DPP10: variants seen among roughly 807,000 people sequenced by gnomAD.
DPP10 encodes the protein inactive dipeptidyl peptidase 10.
A neutral mutation model predicts 120.9 loss-of-function variants in DPP10; 33 were observed. The ratio of observed to expected loss-of-function variants is 0.27; its 90% CI spans 0.21 to 0.37. DPP10 has a LOEUF of 0.37. Among genes scored for constraint, DPP10 ranks in the 10% least tolerant of loss-of-function variants. The probability of loss-of-function intolerance (pLI) is 1.00; values close to 1 mark genes in which losing one functional copy is unlikely to be tolerated. For synonymous variants in DPP10, 337 were observed against 326.1 expected, an observed-to-expected ratio of 1.03 and a Z score of -0.36; for missense variants, 816 against 942.8, an observed-to-expected ratio of 0.87 and a Z score of 1.76.
chr2:115,584,051 G>A (rs141347562), intron 5 of DPP10, among the ~76,000 whole-genome samples: 4 of 152,252 alleles, frequency 2.6e-5, no homozygotes, highest in East Asian at 1.9e-4. Context: ...AGCAAACAAC[G>A]CCCGCCATCC....
At chr2:114,525,063 G>A (rs150461533) in intron 1 of DPP10, among the ~76,000 whole-genome samples, 41 of 152,260 alleles carry the variant, frequency 2.7e-4, no homozygotes, top group African/African-American at 9.4e-4. Flanking sequence ...CAGTATATTA[G>A]CAATACCTTC....
chr2:114,786,389 A>G (rs545066125), intron 1 of DPP10, among the ~76,000 whole-genome samples: 118 of 152,238 alleles, frequency 7.8e-4, no homozygotes, highest in Non-Finnish European at 1.2e-3. Context: ...TGGATGGAGA[A>G]ACATTGCTCT....
chr2:114,588,867 T>G (rs1691216739), intron 1 of DPP10, among the ~76,000 whole-genome samples: 1 of 152,090 alleles, frequency 6.6e-6, no homozygotes, highest in African/African-American at 2.4e-5. Context: ...TTGTTGTATG[T>G]TACTGATTGG....
chr2:114,935,863 G>GT (rs34445525), intron 1 of DPP10, among the ~76,000 whole-genome samples: 37,491 of 145,926 alleles, frequency 0.26, 4,942 homozygotes, highest in Middle Eastern at 0.41. Context: ...AAAACTGAAG[G>GT]TTTTTTTTTT....
chr2:114,640,800 TG>T lies in DPP10; in HGVS notation c.60+197964del, dbSNP rs558419050. Reference sequence around the variant, plus strand: ...TTTTCCTCAGCTAAGCTTTCCTTCTTGGTATGTTACAGGGAAAGGGGAAGCA... The same window carrying T: ...TTTTCCTCAGCTAAGCTTTCCTTCTTGTATGTTACAGGGAAAGGGGAAGCA... On this transcript the variant is annotated intron_variant, in intron 1 of 25. Transcript: ENST00000410059. Among the ~76,000 whole-genome samples the T allele has an allele frequency of 3.8e-4, 57 of 151,978 alleles. No homozygotes were observed. The South Asian group carries it at 7.7e-3, about 20-fold the overall frequency.
chr2:114,993,805 G>A (rs777542551), intron 1 of DPP10, among the ~76,000 whole-genome samples: 3 of 151,782 alleles, frequency 2.0e-5, no homozygotes, highest in Admixed American at 6.6e-5. Context: ...GTGTGCACAC[G>A]AGTCTACATG....
At chr2:115,150,201 T>A (rs544618791) in intron 1 of DPP10, among the ~76,000 whole-genome samples, 18 of 152,316 alleles carry the variant, frequency 1.2e-4, no homozygotes, top group Non-Finnish European at 1.8e-4. Flanking sequence ...ACTGCTTCAG[T>A]ATCTCTGCCG....
chr2:115,214,927 C>G (rs1280871402), intron 1 of DPP10, among the ~76,000 whole-genome samples: 1 of 152,176 alleles, frequency 6.6e-6, no homozygotes, highest in Non-Finnish European at 1.5e-5. Context: ...GCACATCTTG[C>G]CTTTCCTGAG....
intron 1 of DPP10, among the ~76,000 whole-genome samples, chr2:115,107,459 C>T (rs1573639198): frequency 9.7e-6 from 1 of 102,588 alleles, no homozygotes; most frequent in Admixed American, 1.5e-4. Flanking sequence ...TTGGTGCTAG[C>T]CATAAGATTT....
chr2:115,551,589 C>A (rs188652368), intron 5 of DPP10, among the ~76,000 whole-genome samples: 5 of 152,138 alleles, frequency 3.3e-5, no homozygotes, highest in Non-Finnish European at 4.4e-5. Context: ...TTACATTTCT[C>A]TTTATTCCTT....
intron 5 of DPP10, among the ~76,000 whole-genome samples, chr2:115,627,924 G>A (rs1023375935): frequency 1.3e-5 from 2 of 152,094 alleles, no homozygotes; most frequent in African/African-American, 4.8e-5. Context: ...TTATTGATGG[G>A]CATTTGGGTT....
chr2:114,783,562 C>A (rs112476787), intron 1 of DPP10, among the ~76,000 whole-genome samples: 9 of 152,238 alleles, frequency 5.9e-5, no homozygotes, highest in African/African-American at 2.2e-4. Context: ...ATCTGCCTGG[C>A]ATGGTGGCGC....
At chr2:115,038,416 G>A (rs1017796339) in intron 1 of DPP10, among the ~76,000 whole-genome samples, 14 of 151,728 alleles carry the variant, frequency 9.2e-5, no homozygotes, top group Admixed American at 5.3e-4. Context: ...GACTACAGGC[G>A]CCCGCCACCA....
chr2:115,818,614 A>C (rs1687502853), intron 21 of DPP10, among the ~76,000 whole-genome samples: 1 of 152,186 alleles, frequency 6.6e-6, no homozygotes. Flanking sequence ...TGAAGGGAGC[A>C]TGTGTGGAGA....
chr2:115,181,493 G>T (rs1046609735), intron 1 of DPP10, among the ~76,000 whole-genome samples: 1 of 152,066 alleles, frequency 6.6e-6, no homozygotes, highest in African/African-American at 2.4e-5. Context: ...TTTTTCATAT[G>T]ACCTCTCTTT....
chr2:115,270,328 G>A (rs1273801786), intron 1 of DPP10, among the ~76,000 whole-genome samples: 2 of 151,900 alleles, frequency 1.3e-5, no homozygotes, highest in African/African-American at 4.8e-5. Flanking sequence ...GAGAGAAGAC[G>A]GCTACTATAT....
chr2:115,177,730 A>G (rs1385552150), intron 1 of DPP10, among the ~76,000 whole-genome samples: 4 of 151,476 alleles, frequency 2.6e-5, no homozygotes, highest in East Asian at 2.0e-4. Flanking sequence ...TTTGAAGTGT[A>G]TAACATTGCT....
At chr2:114,843,268 T>C (rs79045535) in intron 1 of DPP10, among the ~76,000 whole-genome samples, 12,744 of 152,176 alleles carry the variant, frequency 0.084, 682 homozygotes, top group Non-Finnish European at 0.11. Context: ...ACAAAGTTCA[T>C]AGGACTTCTA....
intron 1 of DPP10, among the ~76,000 whole-genome samples, chr2:115,158,676 GAA>G (rs1559159007): frequency 4.6e-5 from 7 of 152,094 alleles, no homozygotes. Flanking sequence ...TTCTTCCCAT[GAA>G]AAGTGTAGAA....
Sources: gnomAD v4.1 joint callset for allele counts (sites outside exome capture counted in the v4.1 genomes callset) on GRCh38, gnomAD v4.1.1 for gene constraint, MANE v1.5 for transcripts, NCBI Gene and HGNC (gene_info 2026-07-23, HGNC 2026-07-21) for gene names.